The following RTTN variants were observed in gnomAD, a reference collection of about 807,000 sequenced individuals.
RTTN encodes rotatin.
Under a neutral mutation model 269.2 loss-of-function variants are expected in RTTN, and 182 were observed. That is an observed-to-expected ratio of 0.68 (90% CI 0.60 to 0.76). RTTN has a LOEUF of 0.76. RTTN is among the 30% of genes least tolerant of loss of function. The pLI is 0.00. For synonymous variants in RTTN, 1,006 were observed against 963.5 expected (o/e 1.04, Z -0.82); for missense variants, 2,545 against 2,608.6 (o/e 0.98, Z 0.53).
chr18:70,017,721 T>C, intron 45 of RTTN, 47 bp from the exon 46 acceptor site: 1 of 1,506,326 alleles, frequency 6.6e-7, no homozygotes, highest in Non-Finnish European at 9.0e-7. Context: ...TCTTTTTCAT[T>C]ATTTTCCTAG....
At chr18:70,119,296 A>C (rs537748638) in intron 26 of RTTN, among the ~76,000 whole-genome samples, 54 of 136,692 alleles carry the variant, frequency 4.0e-4, no homozygotes, top group Middle Eastern at 3.5e-3. Flanking sequence ...GCGCCCCCCC[A>C]AAAAAAAACC....
At chr18:70,057,418 C>T (rs1211262622) in intron 37 of RTTN, among the ~76,000 whole-genome samples, 3 of 152,154 alleles carry the variant, frequency 2.0e-5, no homozygotes, top group African/African-American at 7.2e-5. Flanking sequence ...CCTAAAATCA[C>T]AGAAGCAGGA....
At chr18:70,036,166 C>G (rs2057166775) in intron 40 of RTTN, among the ~76,000 whole-genome samples, 1 of 152,164 alleles carries the variant, frequency 6.6e-6, no homozygotes, top group African/African-American at 2.4e-5. Flanking sequence ...AAAAGGACTG[C>G]AATTCAACCC....
chr18:70,150,546 C>T (rs2060509520), intron 15 of RTTN, 62 bp downstream of exon 15: 1 of 1,489,502 alleles, frequency 6.7e-7, no homozygotes, highest in Non-Finnish European at 9.3e-7. Context: ...ATTAGAATAT[C>T]ACCTTGATTT....
At chr18:70,101,056 G>A (rs1161013549) in intron 28 of RTTN, among the ~76,000 whole-genome samples, 1 of 152,094 alleles carries the variant, frequency 6.6e-6, no homozygotes, top group Non-Finnish European at 1.5e-5. Context: ...TTGTCTCTCT[G>A]CCAGGCTTTG....
intron 26 of RTTN, among the ~76,000 whole-genome samples, chr18:70,115,607 T>C (rs73964500): frequency 0.029 from 4,332 of 151,880 alleles, 228 homozygotes; most frequent in African/African-American, 0.099. Flanking sequence ...GATGGGAACA[T>C]AGATTTATAA....
At chr18:70,048,755 C>T (rs1383540729) in intron 39 of RTTN, among the ~76,000 whole-genome samples, 1 of 151,636 alleles carries the variant, frequency 6.6e-6, no homozygotes, top group Non-Finnish European at 1.5e-5. Context: ...AAATGATGTC[C>T]AAATATTAGT....
intron 43 of RTTN, among the ~76,000 whole-genome samples, chr18:70,025,330 G>A (rs2056823293): frequency 1.3e-5 from 2 of 152,022 alleles, no homozygotes; most frequent in Non-Finnish European, 2.9e-5. Flanking sequence ...ATAAAATTCA[G>A]TCTAAATATT....
At chr18:70,088,856 A>G (rs1210504166) in intron 30 of RTTN, among the ~76,000 whole-genome samples, 1 of 152,220 alleles carries the variant, frequency 6.6e-6, no homozygotes, top group African/African-American at 2.4e-5. Flanking sequence ...TTATTGTAAT[A>G]GCATATTTTA....
intron 40 of RTTN, among the ~76,000 whole-genome samples, chr18:70,042,986 G>A (rs753857239): frequency 6.6e-6 from 1 of 152,142 alleles, no homozygotes; most frequent in Non-Finnish European, 1.5e-5. Context: ...AGGAATTCCT[G>A]GAACCAGGTG....
intron 8 of RTTN, among the ~76,000 whole-genome samples, chr18:70,191,365 T>C (rs2061667777): frequency 1.3e-5 from 2 of 152,332 alleles, no homozygotes; most frequent in Admixed American, 6.5e-5. Flanking sequence ...AAAGCTCTTC[T>C]GTAATCAACG....
At chr18:70,038,733 A>G (rs1369420762) in intron 40 of RTTN, among the ~76,000 whole-genome samples, 1 of 152,212 alleles carries the variant, frequency 6.6e-6, no homozygotes, top group Admixed American at 6.5e-5. Context: ...GAACTAAAAT[A>G]AGGCATCAGA....
chr18:70,120,316 T>C (rs1270294886), intron 26 of RTTN, among the ~76,000 whole-genome samples: 1 of 152,042 alleles, frequency 6.6e-6, no homozygotes, highest in Admixed American at 6.6e-5. Flanking sequence ...ATAAATTTTG[T>C]TTTTTATAAA....
chr18:70,166,984 C>T lies in RTTN; in HGVS notation c.1737G>A (p.Leu579=). ...AATGCTGATGATAGGAAAAGCTACG[C>T]AAGGCTTGGTCTGCCAGCTCCACTA... ...LELVELADQA[L]RSFSYHQHFP... The change falls in exon 13 of 49, where the codon TTG becomes TTA. Residue 579 remains leucine, a synonymous_variant. Coordinates refer to ENST00000640769, the MANE Select transcript of RTTN (RefSeq NM_173630.4). The T allele has an allele frequency of 6.2e-7, 1 of 1,613,856 alleles. No individual in the cohort carries two copies.
intron 14 of RTTN, among the ~76,000 whole-genome samples, chr18:70,153,508 A>C (rs998051077): frequency 2.0e-5 from 3 of 152,286 alleles, no homozygotes; most frequent in Admixed American, 2.0e-4. Flanking sequence ...AGTGGTGGCC[A>C]TTTAATCATC....
intron 14 of RTTN, among the ~76,000 whole-genome samples, chr18:70,164,912 C>A (rs2145897700): frequency 6.6e-6 from 1 of 152,092 alleles, no homozygotes. Flanking sequence ...TATTTTAAAA[C>A]AAACTAGAGA....
chr18:70,090,606 TA>T (rs1283685495), intron 30 of RTTN, among the ~76,000 whole-genome samples: 1 of 152,202 alleles, frequency 6.6e-6, no homozygotes, highest in Admixed American at 6.5e-5. Flanking sequence ...AGGACTACTG[TA>T]TTCTTCAATG....
chr18:70,034,800 C>T (rs1006122095), intron 40 of RTTN, among the ~76,000 whole-genome samples: 7 of 152,142 alleles, frequency 4.6e-5, no homozygotes, highest in Admixed American at 2.0e-4. Context: ...AAAACCCCAT[C>T]GTCTCAGCCC....
intron 27 of RTTN, among the ~76,000 whole-genome samples, chr18:70,111,200 C>A (rs1488865165): frequency 6.6e-6 from 1 of 152,242 alleles, no homozygotes; most frequent in African/African-American, 2.4e-5. Flanking sequence ...GCACACCGAT[C>A]AAGCTCTGCT....
Sources: allele counts gnomAD v4.1 joint callset (sites outside exome capture counted in the v4.1 genomes callset), GRCh38; gene constraint gnomAD v4.1.1; transcripts MANE v1.5; gene names NCBI Gene and HGNC (gene_info 2026-07-23, HGNC 2026-07-21).